ST3GAL3: variants seen among roughly 807,000 people sequenced by gnomAD.
The protein encoded by ST3GAL3 is ST3 beta-galactoside alpha-2,3-sialyltransferase 3.
A neutral mutation model predicts 50.1 loss-of-function variants in ST3GAL3; 21 were observed. The ratio of observed to expected loss-of-function variants is 0.42; its 90% CI spans 0.30 to 0.60. The LOEUF (loss-of-function observed/expected upper bound fraction) is 0.60, where lower values mean the gene tolerates loss of function less well. Among genes scored for constraint, ST3GAL3 ranks in the 20% least tolerant of loss-of-function variants. ST3GAL3 has a pLI of 0.19. For synonymous variants in ST3GAL3, 183 were observed against 190.0 expected, an observed-to-expected ratio of 0.96 and a Z score of 0.30; for missense variants, 353 against 489.4, an observed-to-expected ratio of 0.72 and a Z score of 2.63.
chr1:43,871,314 A>G (rs1394911943), intron 5 of ST3GAL3, among the ~76,000 whole-genome samples: 1 of 152,200 alleles, frequency 6.6e-6, no homozygotes, highest in South Asian at 2.1e-4. Context: ...AACTCAGGAG[A>G]AGGAGGCTAG....
intron 11 of ST3GAL3, chr1:43,929,914 T>TAGA: frequency 1.4e-6 from 1 of 692,862 alleles, no homozygotes; most frequent in South Asian, 1.4e-5. Context: ...GTATGAAGGT[T>TAGA]CTTTTTTCCC....
chr1:43,813,178 T>A (rs2060771544), intron 3 of ST3GAL3, among the ~76,000 whole-genome samples: 1 of 152,182 alleles, frequency 6.6e-6, no homozygotes, highest in African/African-American at 2.4e-5. Flanking sequence ...GGAATCCGCC[T>A]AAGTATGGAT....
chr1:43,840,906 T>TA (rs1249977131), intron 5 of ST3GAL3: 1 of 152,246 alleles, frequency 6.6e-6, no homozygotes. Flanking sequence ...AATGGGGGTA[T>TA]AGGCATTGGG....
intron 5 of ST3GAL3, chr1:43,850,827 G>T: frequency 1.8e-6 from 2 of 1,084,432 alleles, no homozygotes; most frequent in East Asian, 2.4e-5. Context: ...CCCAGCAATG[G>T]TGTGGTTGTG....
At position 43,853,217 on chromosome 1, in the gene ST3GAL3, A is replaced by C. The variant is rs2067678312; in HGVS notation, c.302+14906A>C. Among the ~76,000 whole-genome samples the C allele has an allele frequency of 2.6e-5, 4 of 152,210 alleles. No homozygotes were observed. The South Asian group carries it at 8.3e-4, about 32-fold the overall frequency. On this transcript the variant is annotated intron_variant, in intron 5 of 11. Transcript: ENST00000347631. ...GCACCTACAGGCTAAACCTGTGGCC[A>C]AACAGTTTCAGCAGAAAGCAGAGCC...
intron 3 of ST3GAL3, among the ~76,000 whole-genome samples, chr1:43,800,001 G>A (rs2059137695): frequency 6.6e-6 from 1 of 152,160 alleles, no homozygotes; most frequent in Non-Finnish European, 1.5e-5. Context: ...TGCTGTGGGA[G>A]GGGGCTTCCA....
chr1:43,845,518 TTCTC>T (rs1308861229), intron 5 of ST3GAL3, among the ~76,000 whole-genome samples: 1 of 152,064 alleles, frequency 6.6e-6, no homozygotes, highest in Non-Finnish European at 1.5e-5. Flanking sequence ...TTTGCATTTT[TTCTC>T]TCTTTTTCTT....
intron 9 of ST3GAL3, chr1:43,913,413 A>T (rs1306965141): frequency 6.6e-6 from 1 of 152,194 alleles, no homozygotes; most frequent in Non-Finnish European, 1.5e-5. Context: ...TAAAGAGAGG[A>T]CACAATGTGC....
intron 1 of ST3GAL3, among the ~76,000 whole-genome samples, chr1:43,710,745 G>A (rs76061696): frequency 0.013 from 2,029 of 152,162 alleles, 51 homozygotes; most frequent in African/African-American, 0.047. Context: ...TTGTTCTTAC[G>A]TATGTTTCAG....
chr1:43,796,126 G>A (rs1300418630), intron 3 of ST3GAL3, among the ~76,000 whole-genome samples: 1 of 152,146 alleles, frequency 6.6e-6, no homozygotes, highest in Non-Finnish European at 1.5e-5. Context: ...ACCTAAAACT[G>A]AGAGAGAGGA....
chr1:43,834,510 C>T (rs2063996784), intron 4 of ST3GAL3, among the ~76,000 whole-genome samples: 1 of 152,198 alleles, frequency 6.6e-6, no homozygotes, highest in Non-Finnish European at 1.5e-5. Flanking sequence ...GTGGCCACAC[C>T]TTACTGGACC....
At chr1:43,789,340 G>A (rs61270490) in intron 2 of ST3GAL3, among the ~76,000 whole-genome samples, 2,207 of 152,258 alleles carry the variant, frequency 0.014, 70 homozygotes, top group African/African-American at 0.051. Context: ...GGAGGTTGGG[G>A]CAGGGAATGA....
At chr1:43,717,030 A>G (rs1403034181) in intron 1 of ST3GAL3, among the ~76,000 whole-genome samples, 1 of 152,166 alleles carries the variant, frequency 6.6e-6, no homozygotes, top group Non-Finnish European at 1.5e-5. Context: ...CCAATGGGAT[A>G]AATTTCAGAC....
chr1:43,844,028 C>T (rs1181978233), intron 5 of ST3GAL3, among the ~76,000 whole-genome samples: 4 of 152,166 alleles, frequency 2.6e-5, no homozygotes, highest in Admixed American at 6.5e-5. Context: ...GAGCAGCTCA[C>T]AGAATTCAGG....
chr1:43,824,603 G>T (rs960631555), intron 4 of ST3GAL3: 2 of 1,071,824 alleles, frequency 1.9e-6, no homozygotes, highest in Non-Finnish European at 2.9e-6. Context: ...GCATAGCATT[G>T]CAGGATTTGG....
intron 3 of ST3GAL3, among the ~76,000 whole-genome samples, chr1:43,803,609 T>C (rs2059559204): frequency 6.6e-6 from 1 of 152,230 alleles, no homozygotes; most frequent in South Asian, 2.1e-4. Flanking sequence ...CACACTTTAA[T>C]GCATGGGATC....
rs531946118 is a variant in ST3GAL3 at position 43,737,094 on chromosome 1, C to G, written c.118+714C>G. The G allele has an allele frequency of 6.8e-6, 1 of 147,968 alleles. No individual in the cohort carries two copies. The highest frequency in any genetic ancestry group is 2.6e-5 in the African/African-American group (1 of 38,152). 9.2% of individuals were successfully genotyped at this position (147,968 alleles called of 1,614,324 possible). Reference sequence around the variant, plus strand: ...AGCACCAGCCTTTGCACATTGTTTTCTTGGCTGTAGCTTGAAATATCACAC... The same window carrying G: ...AGCACCAGCCTTTGCACATTGTTTTGTTGGCTGTAGCTTGAAATATCACAC... On this transcript the variant is annotated intron_variant, in intron 2 of 11. Transcript: ENST00000347631. The surrounding 1 kb of genome is among the most constrained non-coding windows in gnomAD (Gnocchi z 4.0).
chr1:43,877,579 A>G (rs1440530921), intron 5 of ST3GAL3, among the ~76,000 whole-genome samples: 1 of 152,204 alleles, frequency 6.6e-6, no homozygotes, highest in Non-Finnish European at 1.5e-5. Flanking sequence ...GAGATCTTGG[A>G]CAAGATACTC....
At chr1:43,863,405 G>C (rs2070495055) in intron 5 of ST3GAL3, among the ~76,000 whole-genome samples, 1 of 152,154 alleles carries the variant, frequency 6.6e-6, no homozygotes, top group African/African-American at 2.4e-5. Context: ...CAGAAAAACT[G>C]GCTTGTGAAT....
Sources: allele counts gnomAD v4.1 joint callset (sites outside exome capture counted in the v4.1 genomes callset), GRCh38; gene constraint gnomAD v4.1.1; non-coding constraint Gnocchi (gnomAD v3.1); transcripts MANE v1.5; gene names NCBI Gene and HGNC (gene_info 2026-07-23, HGNC 2026-07-21).